KIF11: variants seen among roughly 807,000 people sequenced by gnomAD.
The protein encoded by KIF11 is kinesin-like protein KIF11.
Under a neutral mutation model 121.0 loss-of-function variants are expected in KIF11, and 9 were observed. The observed-to-expected ratio is 0.07, with a 90% CI of 0.04 to 0.13. The LOEUF is 0.13. Ranked by LOEUF, KIF11 falls within the 10% of genes least tolerant of loss-of-function variation. The pLI is 1.00. For missense variants in KIF11, 846 were observed against 1,217.5 expected, an observed-to-expected ratio of 0.69 and a Z score of 4.54; for synonymous variants, 408 against 421.0, an observed-to-expected ratio of 0.97 and a Z score of 0.38.
At chr10:92,635,393 A>G (rs1383327366) in intron 14 of KIF11, among the ~76,000 whole-genome samples, 2 of 152,236 alleles carry the variant, frequency 1.3e-5, no homozygotes, top group Non-Finnish European at 2.9e-5. Context: ...AATAAAGTGA[A>G]TATTACAATA....
Position 92,639,838 on chromosome 10 carries a change from T to G in KIF11, c.2205T>G (p.Ala735=). 3 of 1,612,594 alleles carry G rather than the reference T, an allele frequency of 1.9e-6. No individual in the cohort carries two copies. The highest frequency in any genetic ancestry group is 2.5e-6 in the Non-Finnish European group (3 of 1,179,048). Reference sequence around the variant, plus strand: ...ATCTTTGGACAGAGAGATTCTGTGCTTTGGAGGAAAAGTGTGAAAATATAC... The same window carrying G: ...ATCTTTGGACAGAGAGATTCTGTGCGTTGGAGGAAAAGTGTGAAAATATAC... ...LMNLWTERFC[A]LEEKCENIQK... Residue 735 remains alanine (A), a synonymous_variant, in exon 17 of 22, where the codon GCT becomes GCG. Transcript: ENST00000260731.
intron 9 of KIF11, 120 bp downstream of exon 9, chr10:92,616,952 A>C (rs1480033116): frequency 2.0e-5 from 11 of 561,718 alleles, no homozygotes; most frequent in African/African-American, 2.0e-4. Context: ...GGCTTTTTAT[A>C]TAGTGATTTA....
At chr10:92,650,624 A>T in intron 21 of KIF11, 107 bp downstream of exon 21, 1 of 677,168 alleles carries the variant, frequency 1.5e-6, no homozygotes. Flanking sequence ...CCTTTCAATT[A>T]TTCCTTAGGA....
chr10:92,638,754 G>T (rs1164506233), intron 16 of KIF11, among the ~76,000 whole-genome samples: 1 of 152,104 alleles, frequency 6.6e-6, no homozygotes, highest in African/African-American at 2.4e-5. Flanking sequence ...ACCTGCATTA[G>T]CATTCAAATT....
In KIF11 at chr10:92,593,319, C is replaced by A. The variant is rs1288826004; in HGVS notation, c.-57C>A. The A allele has an allele frequency of 6.5e-6, 10 of 1,542,078 alleles. No individual in the cohort carries two copies. The East Asian group carries it at 9.4e-5, about 15-fold the overall frequency. On this transcript the variant is annotated 5_prime_UTR_variant, in exon 1 of 22. Transcript: ENST00000260731. ...GCCCCTGTCGGCCGCCAAGCCCCTC[C>A]GCCCCTCACAGCGCCCAGGTCCGCG...
intron 9 of KIF11, among the ~76,000 whole-genome samples, 191 bp downstream of exon 9, chr10:92,617,023 C>G (rs1844564516): frequency 6.6e-6 from 1 of 152,154 alleles, no homozygotes; most frequent in South Asian, 2.1e-4. Flanking sequence ...ACTTTACCAA[C>G]TTTATCAACT....
At chr10:92,648,114 A>T (rs1445129475) in intron 18 of KIF11, 98 bp from the exon 19 acceptor site, 2 of 908,992 alleles carry the variant, frequency 2.2e-6, no homozygotes, top group African/African-American at 1.8e-5. Context: ...TCTCCAAAAA[A>T]AAAAAAAATT....
At position 92,648,363 on chromosome 10, in the gene KIF11, A is replaced by T; in HGVS notation, c.2699A>T (p.Glu900Val). Residue 900 changes from glutamate to valine, a missense_variant, in exon 19 of 22, where the codon GAA becomes GTA. This residue lies in a region of KIF11 where 492 missense variants were observed against 603.4 expected (regional missense o/e 0.82). Coordinates refer to ENST00000260731, the MANE Select transcript of KIF11 (RefSeq NM_004523.4). ...ATAGCACAAAATCTAGAACTTAATGAAACCATAAAAATTGGTTTGACTAAG... is the reference window on the plus strand; with the variant it reads ...ATAGCACAAAATCTAGAACTTAATGTAACCATAAAAATTGGTTTGACTAAG... Reference protein sequence around the residue: ...KLIAQNLELNETIKIGLTKLN... With the variant: ...KLIAQNLELNVTIKIGLTKLN... The T allele has an allele frequency of 6.2e-7, 1 of 1,613,370 alleles. No homozygotes were observed.
chr10:92,639,530 C>A (rs188966618), intron 16 of KIF11, among the ~76,000 whole-genome samples: 1 of 152,034 alleles, frequency 6.6e-6, no homozygotes, highest in Non-Finnish European at 1.5e-5. Flanking sequence ...GAGGTTGAAG[C>A]TGCAGTGAGC....
At chr10:92,599,778 G>A (rs1283144175) in intron 1 of KIF11, among the ~76,000 whole-genome samples, 4 of 144,958 alleles carry the variant, frequency 2.8e-5, no homozygotes, top group Non-Finnish European at 6.0e-5. Context: ...TCAGCCTCCC[G>A]AGTAGCTGGG....
intron 9 of KIF11, among the ~76,000 whole-genome samples, chr10:92,618,895 C>A (rs944840333): frequency 2.6e-5 from 4 of 152,116 alleles, no homozygotes; most frequent in Non-Finnish European, 4.4e-5. Flanking sequence ...TCTTTTGTAA[C>A]CACTTTTCTT....
At chr10:92,606,983 G>A (rs1353566077) in intron 3 of KIF11, among the ~76,000 whole-genome samples, 176 bp from the exon 4 acceptor site, 1 of 152,028 alleles carries the variant, frequency 6.6e-6, no homozygotes, top group Non-Finnish European at 1.5e-5. Context: ...CACTGTGTTG[G>A]CCAGGCTGGT....
chr10:92,652,731 TTTA>T (rs955915435), intron 21 of KIF11, among the ~76,000 whole-genome samples: 20 of 152,172 alleles, frequency 1.3e-4, no homozygotes, highest in Non-Finnish European at 2.2e-4. Context: ...CAGAAATCGT[TTTA>T]TTATTATTAT....
Position 92,653,912 on chromosome 10 carries a change from G to A in KIF11, c.*116G>A, listed in dbSNP as rs1217963352. On this transcript the variant is annotated 3_prime_UTR_variant, in exon 22 of 22. Coordinates refer to ENST00000260731, the MANE Select transcript of KIF11 (RefSeq NM_004523.4). The stretch of plus-strand genomic sequence containing the variant: ...AAGAATATATATATCAGCCGGGCGC[G>A]GTGGCTCATGCCTGTAATCCCAGCA... The A allele has an allele frequency of 2.1e-5, 18 of 865,056 alleles. No homozygotes were observed. The highest frequency in any genetic ancestry group is 4.0e-5 in the South Asian group (2 of 50,314). 53.6% of individuals were successfully genotyped at this position (865,056 alleles called of 1,614,324 possible). A position where few individuals can be genotyped will look rare whatever the true frequency, so the allele number is the denominator to read the frequency against.
In KIF11 at chr10:92,606,301, T is replaced by G; in HGVS notation, c.114T>G (p.His38Gln). 1 of 1,606,614 alleles carries G rather than the reference T, an allele frequency of 6.2e-7. No individual in the cohort carries two copies. Among genetic ancestry groups the G allele is most frequent in the Non-Finnish European group, 8.5e-7 (1 of 1,178,418 alleles). Residue 38 changes from histidine (H) to glutamine (Q), a missense_variant, in exon 2 of 22, where the codon CAT becomes CAG. Physicochemically the swap from His to Gln is conservative, Grantham distance 24. Around this residue, in one of 5 missense-constraint regions of KIF11, gnomAD observed 140 missense variants for 193.5 expected, o/e 0.72. Coordinates refer to ENST00000260731, the MANE Select transcript of KIF11 (RefSeq NM_004523.4). ...FNLAERKASA[H>Q]SIVECDPVRK... is the part of the protein sequence containing the mutation. ...TGGCAGAGCGGAAAGCTAGCGCCCA[T>G]TCAATAGTAGAATGTGATCCTGTAC...
chr10:92,647,961 T>C (rs1844937799), intron 18 of KIF11, among the ~76,000 whole-genome samples: 1 of 151,852 alleles, frequency 6.6e-6, no homozygotes, highest in South Asian at 2.1e-4. Context: ...ATACAAAAAT[T>C]AGCCAGGCAT....
chr10:92,616,397 C>T (rs961615617), intron 8 of KIF11, among the ~76,000 whole-genome samples: 2 of 151,530 alleles, frequency 1.3e-5, no homozygotes, highest in African/African-American at 2.4e-5. Flanking sequence ...ACAGGATCTC[C>T]CTATGTTGCC....
chr10:92,653,858 A>G lies in KIF11; in HGVS notation c.*62A>G. ...ACTTAAAAATAAAACCTGAAACCCC[A>G]GAACTTGAGCCTTGTGTATAGATTT... On this transcript the variant is annotated 3_prime_UTR_variant, in exon 22 of 22. Coordinates refer to ENST00000260731, the MANE Select transcript of KIF11 (RefSeq NM_004523.4). 2.8e-6 allele frequency: 4 copies of G among 1,438,170 alleles called. No individual in the cohort carries two copies. The highest frequency in any genetic ancestry group is 3.8e-6 in the Non-Finnish European group (4 of 1,039,592). 89.1% of individuals were successfully genotyped at this position (1,438,170 alleles called of 1,614,324 possible).
At chr10:92,617,750 T>TC (rs1179401135) in intron 9 of KIF11, among the ~76,000 whole-genome samples, 1 of 151,972 alleles carries the variant, frequency 6.6e-6, no homozygotes, top group Non-Finnish European at 1.5e-5. Flanking sequence ...GTTTTTGTTT[T>TC]TTTTTTTGAG....
Sources: gnomAD v4.1 joint callset for allele counts (sites outside exome capture counted in the v4.1 genomes callset) on GRCh38, gnomAD v4.1.1 for gene constraint, gnomAD v4.1.1 regional missense constraint, MANE v1.5 for transcripts, NCBI Gene and HGNC (gene_info 2026-07-23, HGNC 2026-07-21) for gene names.